SUN1: variants seen among roughly 807,000 people sequenced by gnomAD.
The protein encoded by SUN1 is SUN domain-containing protein 1.
SUN1 carries 61 observed loss-of-function variants against 103.2 expected under a neutral mutation model. The observed-to-expected ratio is 0.59, with a 90% CI of 0.48 to 0.73. The LOEUF (loss-of-function observed/expected upper bound fraction) is 0.73. SUN1 is among the 30% of genes least tolerant of loss of function. SUN1 has a pLI of 0.00. For missense variants in SUN1, 1,052 were observed against 1,034.6 expected (o/e 1.02, Z -0.23); for synonymous variants, 490 against 425.7 (o/e 1.15, Z -1.86).
intron 3 of SUN1, chr7:842,907 G>A (rs1000253980): frequency 1.7e-5 from 9 of 541,754 alleles, no homozygotes; most frequent in East Asian, 3.3e-5. Context: ...TTGCTGAGCG[G>A]GCTGTGAGAA....
chr7:819,025 G>A (rs929385990), intron 1 of SUN1, among the ~76,000 whole-genome samples: 10 of 151,838 alleles, frequency 6.6e-5, no homozygotes, highest in Non-Finnish European at 1.3e-4. Context: ...CACCACACCC[G>A]GCTAATTTTG....
Position 832,491 on chromosome 7 carries a change from C to T in SUN1, c.-34C>T. ...CCGTTAAAACACTCTGCATTTCTTT[C>T]CCGCCCTCTGCAGTATGGTTTGAAG... On this transcript the variant is annotated 5_prime_UTR_variant, in exon 1 of 19. Coordinates refer to ENST00000401592, the MANE Select transcript of SUN1 (RefSeq NM_001130965.3). 6.2e-7 allele frequency: 1 copy of T among 1,601,346 alleles called. No homozygotes were observed. The highest frequency in any genetic ancestry group is 8.5e-7 in the Non-Finnish European group (1 of 1,172,782).
chr7:833,633 G>A (rs1800029097), intron 1 of SUN1, among the ~76,000 whole-genome samples: 1 of 152,150 alleles, frequency 6.6e-6, no homozygotes, highest in South Asian at 2.1e-4. Flanking sequence ...CCTCTAAAGG[G>A]TGAAAATGTA....
At chr7:864,899 G>A (rs1835211167) in intron 15 of SUN1, among the ~76,000 whole-genome samples, 1 of 152,044 alleles carries the variant, frequency 6.6e-6, no homozygotes, top group African/African-American at 2.4e-5. Flanking sequence ...AAAGTACTGG[G>A]ATTACAGGCG....
rs10265674 is a variant in SUN1 at position 861,998 on chromosome 7, C to T, written c.1864+534C>T. ...GGCAGATGCATTTGAAAATCAGCATCGCAGCTGAGGAAAGTCCTGGGGTCC... is the reference window on the plus strand; with the variant it reads ...GGCAGATGCATTTGAAAATCAGCATTGCAGCTGAGGAAAGTCCTGGGGTCC... On this transcript the variant is annotated intron_variant, in intron 15 of 18. Coordinates refer to ENST00000401592, the MANE Select transcript of SUN1 (RefSeq NM_001130965.3). 2.7e-3 allele frequency among the ~76,000 whole-genome samples: 417 copies of T among 152,294 alleles called. 4 individuals are homozygous for T. Among genetic ancestry groups the T allele is most frequent in the African/African-American group, 9.6e-3 (398 of 41,556 alleles).
chr7:839,112 T>A, intron 2 of SUN1, 126 bp downstream of exon 2: 1 of 923,206 alleles, frequency 1.1e-6, no homozygotes, highest in Non-Finnish European at 1.5e-6. Flanking sequence ...TATGTGCGTG[T>A]ACAGACACAC....
chr7:841,935 T>G lies in SUN1; in HGVS notation c.267-11T>G. 6.2e-7 allele frequency: 1 copy of G among 1,613,530 alleles called. No individual in the cohort carries two copies. The highest frequency in any genetic ancestry group is 8.5e-7 in the Non-Finnish European group (1 of 1,179,874). On this transcript the variant is annotated splice_polypyrimidine_tract_variant and intron_variant, in intron 2 of 18. Transcript: ENST00000401592. ...AAGATCTATAAACTTGCTGTTTTTT[T>G]TTCTTCTTAGAACAACAAAACAGCG...
chr7:848,804 T>C (rs1444767711), intron 5 of SUN1, among the ~76,000 whole-genome samples: 1 of 152,240 alleles, frequency 6.6e-6, no homozygotes, highest in Non-Finnish European at 1.5e-5. Context: ...TTGTTCTGTG[T>C]GTGGTTTGGT....
intron 5 of SUN1, among the ~76,000 whole-genome samples, chr7:845,541 A>G (rs950501174): frequency 4.0e-5 from 6 of 149,702 alleles, no homozygotes; most frequent in Admixed American, 4.0e-4. Flanking sequence ...GCCACACCAG[A>G]AAAAAAAAAC....
At chr7:870,917 T>C (rs1014887297) in intron 17 of SUN1, among the ~76,000 whole-genome samples, 1 of 140,968 alleles carries the variant, frequency 7.1e-6, no homozygotes, top group African/African-American at 2.7e-5. Flanking sequence ...TGAGACGGAG[T>C]CTTGGTCTCG....
At chr7:841,318 AC>A (rs1809653700) in intron 2 of SUN1, among the ~76,000 whole-genome samples, 1 of 145,148 alleles carries the variant, frequency 6.9e-6, no homozygotes. Flanking sequence ...ATCTCAGATC[AC>A]TGCAACCTCT....
chr7:866,718 C>CTGTCT (rs1459508211), intron 16 of SUN1, among the ~76,000 whole-genome samples: 16 of 26,162 alleles, frequency 6.1e-4, no homozygotes, highest in Middle Eastern at 0.015. Flanking sequence ...CTTCGCCCCC[C>CTGTCT]CCCCGCCCCC....
chr7:846,687 G>A (rs1584696898), intron 5 of SUN1, among the ~76,000 whole-genome samples: 1 of 152,110 alleles, frequency 6.6e-6, no homozygotes, highest in Non-Finnish European at 1.5e-5. Flanking sequence ...ACCAGCCTGG[G>A]CAACATAGCA....
chr7:855,494 T>C lies in SUN1; in HGVS notation c.1350+488T>C, dbSNP rs534655570. On this transcript the variant is annotated intron_variant, in intron 11 of 18. Coordinates refer to ENST00000401592, the MANE Select transcript of SUN1 (RefSeq NM_001130965.3). ...TCAGCCATGGGGAGTCGGGTCGGGC[T>C]CAGGTTCCGGCTCTTTGTGTCTCTG... Among the ~76,000 whole-genome samples the C allele has an allele frequency of 3.7e-4, 57 of 152,356 alleles. 2 individuals carry two copies. The highest frequency in any genetic ancestry group is 1.3e-3 in the African/African-American group (55 of 41,584).
chr7:843,552 G>T (rs761985920), intron 5 of SUN1, 32 bp downstream of exon 5: 2 of 1,613,770 alleles, frequency 1.2e-6, no homozygotes, highest in South Asian at 1.1e-5. Context: ...CTCAGAAAAA[G>T]GTGTGTTTTC....
intron 5 of SUN1, among the ~76,000 whole-genome samples, chr7:844,159 C>T (rs1812860261): frequency 6.6e-6 from 1 of 152,256 alleles, no homozygotes; most frequent in South Asian, 2.1e-4. Context: ...GACAGAACCA[C>T]AGGCCCCTTT....
At chr7:825,211 A>G (rs1790513212) in intron 1 of SUN1, among the ~76,000 whole-genome samples, 2 of 152,046 alleles carry the variant, frequency 1.3e-5, no homozygotes, top group Non-Finnish European at 2.9e-5. Context: ...GGCGCCCGCC[A>G]CTGCGCCCGG....
At chr7:830,834 G>A (rs890074021), upstream of SUN1, 12 of 552,856 alleles carry the variant, frequency 2.2e-5, no homozygotes, top group Non-Finnish European at 2.5e-5. Flanking sequence ...GGGAGTGGGC[G>A]TTCGCTGAGC....
At chr7:851,554 C>A in intron 6 of SUN1, 72 bp downstream of exon 6, 2 of 891,390 alleles carry the variant, frequency 2.2e-6, no homozygotes, top group Non-Finnish European at 3.4e-6. Flanking sequence ...ACTCGATTTA[C>A]CTAACCAAGT....
Sources: allele counts gnomAD v4.1 joint callset (sites outside exome capture counted in the v4.1 genomes callset), GRCh38; gene constraint gnomAD v4.1.1; transcripts MANE v1.5; gene names NCBI Gene and HGNC (gene_info 2026-07-23, HGNC 2026-07-21).